NRG3: variants seen among roughly 807,000 people sequenced by gnomAD.
NRG3 encodes the protein neuregulin 3, also known as pro-neuregulin-3, membrane-bound isoform.
A neutral mutation model predicts 66.9 loss-of-function variants in NRG3; 31 were observed. That is an observed-to-expected ratio of 0.46 (90% confidence interval 0.35 to 0.63). The LOEUF (loss-of-function observed/expected upper bound fraction) is 0.63. Ranked by LOEUF, NRG3 falls within the 20% of genes least tolerant of loss-of-function variation. NRG3 has a pLI of 0.00. For synonymous variants in NRG3, 393 were observed against 359.4 expected (o/e 1.09, Z -1.06); for missense variants, 910 against 878.9 (o/e 1.04, Z -0.45).
chr10:82,335,408 G>T, intron 1 of NRG3, among the ~76,000 whole-genome samples: 1 of 152,264 alleles, frequency 6.6e-6, no homozygotes, highest in South Asian at 2.1e-4. Context: ...TTTTCCTTCA[G>T]ATTTAAGCCA....
chr10:82,033,314 A>T (rs1003445409), intron 1 of NRG3, among the ~76,000 whole-genome samples: 7 of 152,126 alleles, frequency 4.6e-5, no homozygotes, highest in Non-Finnish European at 1.0e-4. Flanking sequence ...TCCCTGAATA[A>T]CACATTTTTC....
intron 1 of NRG3, among the ~76,000 whole-genome samples, chr10:82,113,669 TC>T: frequency 6.6e-6 from 1 of 152,262 alleles, no homozygotes; most frequent in Admixed American, 6.5e-5. Context: ...CTGAATAAGG[TC>T]TATAGTTTAG....
chr10:81,895,165 T>C (rs1802905071), intron 1 of NRG3, among the ~76,000 whole-genome samples: 1 of 152,084 alleles, frequency 6.6e-6, no homozygotes, highest in Non-Finnish European at 1.5e-5. Context: ...TTGCTAACAC[T>C]CAAACCAGAA....
intron 3 of NRG3, among the ~76,000 whole-genome samples, chr10:82,834,179 G>C (rs1295382848): frequency 6.6e-6 from 1 of 152,120 alleles, no homozygotes; most frequent in African/African-American, 2.4e-5. Flanking sequence ...ATTTCAGGCT[G>C]TGCCTTCTTT....
chr10:82,284,627 T>C (rs1450216970), intron 1 of NRG3, among the ~76,000 whole-genome samples: 1 of 152,236 alleles, frequency 6.6e-6, no homozygotes, highest in Non-Finnish European at 1.5e-5. Context: ...TTCTGTATTT[T>C]TGTTTGTATT....
intron 2 of NRG3, among the ~76,000 whole-genome samples, chr10:82,641,782 TA>T (rs1197209270): frequency 1.3e-5 from 2 of 152,180 alleles, no homozygotes; most frequent in Non-Finnish European, 2.9e-5. Flanking sequence ...AACTTATGAT[TA>T]AAACAACAAA....
At chr10:82,659,670 C>G (rs2052168617) in intron 2 of NRG3, among the ~76,000 whole-genome samples, 1 of 151,668 alleles carries the variant, frequency 6.6e-6, no homozygotes, top group Non-Finnish European at 1.5e-5. Flanking sequence ...CAAAGCAAAA[C>G]AGAAAACCAA....
chr10:82,576,686 T>C (rs944814839), intron 2 of NRG3, among the ~76,000 whole-genome samples: 3 of 151,772 alleles, frequency 2.0e-5, no homozygotes, highest in African/African-American at 7.2e-5. Context: ...CAATCTACCA[T>C]CTGAAGTCCT....
At chr10:82,408,114 A>G (rs2087736303) in intron 2 of NRG3, among the ~76,000 whole-genome samples, 1 of 143,262 alleles carries the variant, frequency 7.0e-6, no homozygotes, top group African/African-American at 2.6e-5. Flanking sequence ...AAAGAAAGAA[A>G]GAAAGAAAGA....
intron 2 of NRG3, among the ~76,000 whole-genome samples, chr10:82,573,531 A>G (rs4933839): frequency 0.18 from 26,667 of 151,734 alleles, 2,640 homozygotes; most frequent in East Asian, 0.31. Context: ...ACCTCTCCGC[A>G]TAGTATGTGA....
chr10:82,462,922 T>G (rs2091588180), intron 2 of NRG3, among the ~76,000 whole-genome samples: 1 of 152,192 alleles, frequency 6.6e-6, no homozygotes, highest in Non-Finnish European at 1.5e-5. Context: ...GTTGCTTGAA[T>G]GACCAAAATA....
At chr10:82,744,622 T>C (rs1403436301) in intron 3 of NRG3, among the ~76,000 whole-genome samples, 1 of 152,188 alleles carries the variant, frequency 6.6e-6, no homozygotes, top group East Asian at 1.9e-4. Context: ...AAACTCAGTG[T>C]AGTTAACTGT....
In NRG3 at chr10:82,673,332, T is replaced by A. The variant is rs180787059; in HGVS notation, c.954-65245T>A. On this transcript the variant is annotated intron_variant, in intron 2 of 8. Coordinates refer to ENST00000372141, the MANE Select transcript of NRG3 (RefSeq NM_001010848.4). ...TATATATAGCTCACATTTGTTTCAA[T>A]GGTAAATAGTAGAGGTCTTTATTTA... Among the ~76,000 whole-genome samples, 25 of 152,328 alleles carry A rather than the reference T, an allele frequency of 1.6e-4. No individual in the cohort carries two copies. In the East Asian group the frequency reaches 4.3e-3, roughly 26 times the overall value.
rs191698546 is a variant in NRG3, at chr10:82,472,628, T to A, written c.953+113760T>A. ...TTCATTTAGGAGGACAACAGACACCTCAGGGGAGACATTTAAAGTCTTTCT... is the reference window on the plus strand; with the variant it reads ...TTCATTTAGGAGGACAACAGACACCACAGGGGAGACATTTAAAGTCTTTCT... On this transcript the variant is annotated intron_variant, in intron 2 of 8. Coordinates refer to ENST00000372141, the MANE Select transcript of NRG3 (RefSeq NM_001010848.4). 9.3e-4 allele frequency among the ~76,000 whole-genome samples: 141 copies of A among 152,334 alleles called. 1 individual carries two copies. Among genetic ancestry groups the A allele is most frequent in the Non-Finnish European group, 1.5e-3 (104 of 68,024 alleles).
chr10:82,177,922 C>T (rs1308151571), intron 1 of NRG3, among the ~76,000 whole-genome samples: 6 of 152,042 alleles, frequency 3.9e-5, no homozygotes, highest in Non-Finnish European at 8.8e-5. Flanking sequence ...AACTCCTGGC[C>T]TCAAGCAGTC....
chr10:82,659,748 A>G (rs1331628373), intron 2 of NRG3, among the ~76,000 whole-genome samples: 1 of 152,168 alleles, frequency 6.6e-6, no homozygotes, highest in Non-Finnish European at 1.5e-5. Flanking sequence ...AGTTTGCCAT[A>G]TCTTATTTAC....
At chr10:82,033,404 G>A (rs570135875) in intron 1 of NRG3, among the ~76,000 whole-genome samples, 18 of 152,144 alleles carry the variant, frequency 1.2e-4, no homozygotes, top group East Asian at 9.7e-4. Flanking sequence ...ACCATAAGAA[G>A]CCTTCCCTGG....
At chr10:82,398,501 G>A (rs952886693) in intron 2 of NRG3, among the ~76,000 whole-genome samples, 12 of 141,762 alleles carry the variant, frequency 8.5e-5, no homozygotes, top group East Asian at 6.4e-4. Flanking sequence ...ATGTGTGTGT[G>A]TGTGTGTGTG....
At chr10:82,508,462 G>A (rs994117189) in intron 2 of NRG3, among the ~76,000 whole-genome samples, 5 of 152,020 alleles carry the variant, frequency 3.3e-5, no homozygotes, top group African/African-American at 7.2e-5. Flanking sequence ...CTGAAAATAG[G>A]CAACAGCAAT....
Sources: gnomAD v4.1 joint callset for allele counts (sites outside exome capture counted in the v4.1 genomes callset) on GRCh38, gnomAD v4.1.1 for gene constraint, MANE v1.5 for transcripts, NCBI Gene and HGNC (gene_info 2026-07-23, HGNC 2026-07-21) for gene names.